The following SVEP1 variants were observed in gnomAD, a reference collection of about 807,000 sequenced individuals.
SVEP1 encodes sushi, von Willebrand factor type A, EGF and pentraxin domain-containing protein 1.
In SVEP1, 164 loss-of-function variants were observed where a neutral mutation model predicts 367.3. The observed-to-expected ratio is 0.45, with a 90% CI of 0.39 to 0.51. The LOEUF (loss-of-function observed/expected upper bound fraction) is 0.51. Among genes scored for constraint, SVEP1 ranks in the 20% least tolerant of loss-of-function variants. The pLI is 0.00. For synonymous variants in SVEP1, 1,666 were observed against 1,611.6 expected (o/e 1.03, Z -0.81); for missense variants, 4,117 against 4,425.3 (o/e 0.93, Z 1.98).
intron 1 of SVEP1, among the ~76,000 whole-genome samples, chr9:110,552,179 A>G (rs573104635): frequency 5.3e-5 from 8 of 151,794 alleles, no homozygotes; most frequent in African/African-American, 1.9e-4. Context: ...CTACAGGCAC[A>G]TACCACCATG....
chr9:110,366,564 G>GAAAAAAAAAAA lies in SVEP1; in HGVS notation c.10695-15_10695-5dup. 7.1e-7 allele frequency: 1 copy of GAAAAAAAAAAA among 1,413,490 alleles called. No individual in the cohort carries two copies. Among genetic ancestry groups the GAAAAAAAAAAA allele is most frequent in the Non-Finnish European group, 9.4e-7 (1 of 1,063,918 alleles). 87.6% of individuals were successfully genotyped at this position (1,413,490 alleles called of 1,614,324 possible). On this transcript the variant is annotated splice_region_variant and splice_polypyrimidine_tract_variant and intron_variant, in intron 47 of 47. Transcript: ENST00000374469. ...TTAAAACCCAGTCCTCCTTTTCCTGGAAAAAAAAAAAAAAGCAACCAAATA... is the reference window on the plus strand; with the variant it reads ...TTAAAACCCAGTCCTCCTTTTCCTGGAAAAAAAAAAAAAAAAAAAAAAAAAGCAACCAAATA...
intron 16 of SVEP1, 115 bp downstream of exon 16, chr9:110,471,246 CACA>C (rs1564152157): frequency 1.1e-5 from 9 of 847,398 alleles, no homozygotes; most frequent in Middle Eastern, 2.3e-4. Context: ...ATAACAACCA[CACA>C]ACAAGAGCAA....
rs771605890 is a variant in SVEP1 at position 110,428,423 on chromosome 9, C to CAA, written c.5808-666_5808-665insTT. The stretch of plus-strand genomic sequence containing the variant: ...AAACACACACACACACACACACACA[C>CAA]ACACACCATTAATCTCCTACAGTGT... On this transcript the variant is annotated intron_variant, in intron 35 of 47. Transcript: ENST00000374469. Among the ~76,000 whole-genome samples, 401 of 146,022 alleles carry CAA rather than the reference C, an allele frequency of 2.7e-3. 2 individuals carry two copies. Among genetic ancestry groups the CAA allele is most frequent in the East Asian group, 3.7e-3 (14 of 3,738 alleles).
In SVEP1 at chr9:110,386,042, C is replaced by G; in HGVS notation, c.10093G>C (p.Glu3365Gln). 1 of 1,613,310 alleles carries G rather than the reference C, an allele frequency of 6.2e-7. No homozygotes were observed. The highest frequency in any genetic ancestry group is 1.1e-5 in the South Asian group (1 of 90,992). ...NPCPVPFVIP[E>Q]NALLSEKEFY... is the part of the protein sequence containing the mutation. ...TCCTTTTCAGACAGCAGAGCATTCTCGGGAATCACAAAAGGAACAGGGCAT... is the reference window on the plus strand; with the variant it reads ...TCCTTTTCAGACAGCAGAGCATTCTGGGGAATCACAAAAGGAACAGGGCAT... The change falls in exon 43 of 48, where the codon GAG becomes CAG. Residue 3365 changes from glutamate to glutamine, a missense_variant. Physicochemically the swap from Glu to Gln is conservative, Grantham distance 29 (BLOSUM62 2). Transcript: ENST00000374469.
rs1379703862 is a variant in SVEP1 at position 110,548,917 on chromosome 9, G to C, written c.787+932C>G. Among the ~76,000 whole-genome samples the C allele has an allele frequency of 2.6e-5, 4 of 152,162 alleles. No individual in the cohort carries two copies. The East Asian group carries it at 7.7e-4, about 29-fold the overall frequency. ...GTGGGAGAAATGCTTGAGCCCAGGA[G>C]TTTGAGACCAGCCTGAGCAACATAG... On this transcript the variant is annotated intron_variant, in intron 2 of 47. Transcript: ENST00000374469.
At chr9:110,448,997 C>A (rs972500545) in intron 24 of SVEP1, among the ~76,000 whole-genome samples, 2 of 151,944 alleles carry the variant, frequency 1.3e-5, no homozygotes, top group East Asian at 3.9e-4. Flanking sequence ...TCTTTTTTTT[C>A]TTTTTGGTTT....
intron 3 of SVEP1, among the ~76,000 whole-genome samples, chr9:110,531,249 CTTTCA>C (rs1830014319): frequency 6.6e-6 from 1 of 152,094 alleles, no homozygotes; most frequent in Non-Finnish European, 1.5e-5. Flanking sequence ...TCATGATTTA[CTTTCA>C]TTTAACTGCT....
chr9:110,446,014 T>C lies in SVEP1; in HGVS notation c.4286A>G (p.Asp1429Gly). 6.2e-7 allele frequency: 1 copy of C among 1,613,026 alleles called. No individual in the cohort carries two copies. Among genetic ancestry groups the C allele is most frequent in the Non-Finnish European group, 8.5e-7 (1 of 1,179,392 alleles). Reference protein sequence around the residue: ...ETEQSTGFNLDFEVSGIYGYV... With the variant: ...ETEQSTGFNLGFEVSGIYGYV... ...TCCATAGATGCCAGAAACTTCAAAA[T>C]CCAGGTTAAAGCCTGTAGACTGTTC... Residue 1429 changes from aspartate to glycine, a missense_variant, in exon 26 of 48, where the codon GAT (aspartate) becomes GGT (glycine). Physicochemically the swap from Asp to Gly is moderately conservative, Grantham distance 94. This residue lies in a region of SVEP1 where 2,174 missense variants were observed against 2,494.3 expected (regional missense o/e 0.87). Coordinates refer to ENST00000374469, the MANE Select transcript of SVEP1 (RefSeq NM_153366.4).
At chr9:110,553,812 C>T (rs550862853) in intron 1 of SVEP1, among the ~76,000 whole-genome samples, 1 of 152,214 alleles carries the variant, frequency 6.6e-6, no homozygotes, top group Non-Finnish European at 1.5e-5. Context: ...AAGGAGTGGC[C>T]CATCGTGCAG....
chr9:110,560,251 T>C (rs1413513987), intron 1 of SVEP1, among the ~76,000 whole-genome samples: 1 of 152,204 alleles, frequency 6.6e-6, no homozygotes. Context: ...CTATTCCATA[T>C]AGCCTAGGTG....
intron 16 of SVEP1, 59 bp downstream of exon 16, chr9:110,471,305 A>G (rs2118669276): frequency 3.2e-5 from 44 of 1,379,150 alleles, no homozygotes; most frequent in Non-Finnish European, 4.5e-5. Context: ...AAATGGCTAC[A>G]CCCATCTCAT....
At position 110,542,708 on chromosome 9, in the gene SVEP1, G is replaced by GT. The variant is rs58216193; in HGVS notation, c.964+3406dup. ...TTGAATACCTACCTCATACCTAGCA[G>GT]TGGGCTTGGTGTGGAGAACATCCTC... On this transcript the variant is annotated intron_variant, in intron 3 of 47. Transcript: ENST00000374469. 5.9e-3 allele frequency among the ~76,000 whole-genome samples: 891 copies of GT among 152,010 alleles called. 13 individuals are homozygous for GT. The highest frequency in any genetic ancestry group is 0.02 in the African/African-American group (846 of 41,464).
intron 22 of SVEP1, among the ~76,000 whole-genome samples, chr9:110,452,528 C>G (rs886162752): frequency 6.6e-6 from 1 of 152,158 alleles, no homozygotes; most frequent in Non-Finnish European, 1.5e-5. Context: ...AAATGGAAAC[C>G]AGGCAAGCAA....
intron 1 of SVEP1, among the ~76,000 whole-genome samples, chr9:110,563,321 TAA>T (rs1417813136): frequency 2.0e-5 from 3 of 152,118 alleles, no homozygotes; most frequent in Non-Finnish European, 4.4e-5. Flanking sequence ...CACACATACA[TAA>T]AAAGAGTGAG....
chr9:110,524,699 ATGT>A (rs1322728962), intron 3 of SVEP1, among the ~76,000 whole-genome samples: 2 of 150,276 alleles, frequency 1.3e-5, no homozygotes, highest in African/African-American at 2.4e-5. Flanking sequence ...AATCATACAA[ATGT>A]TATTATTATT....
At position 110,553,641 on chromosome 9, in the gene SVEP1, G is replaced by A. The variant is rs1830318784; in HGVS notation, c.532-3537C>T. Among the ~76,000 whole-genome samples, 5 of 152,258 alleles carry A rather than the reference G, an allele frequency of 3.3e-5. No individual in the cohort carries two copies. The South Asian group carries it at 8.3e-4, about 25-fold the overall frequency. On this transcript the variant is annotated intron_variant, in intron 1 of 47. Coordinates refer to ENST00000374469, the MANE Select transcript of SVEP1 (RefSeq NM_153366.4). ...AGATATCCAGGGGAGACAGGCCCAG[G>A]TATTTCAAGGCCAAGGATGGCTTCA...
chr9:110,434,143 G>A (rs1828395718), intron 30 of SVEP1, among the ~76,000 whole-genome samples, 193 bp downstream of exon 30: 1 of 152,064 alleles, frequency 6.6e-6, no homozygotes, highest in South Asian at 2.1e-4. Flanking sequence ...TGCACAAATG[G>A]TCCCTCTGGA....
In SVEP1 at chr9:110,389,584, T is replaced by G. The variant is rs900122816; in HGVS notation, c.9826A>C (p.Asn3276His). The G allele has an allele frequency of 6.2e-7, 1 of 1,613,612 alleles. No individual in the cohort carries two copies. Among genetic ancestry groups the G allele is most frequent in the African/African-American group, 1.3e-5 (1 of 75,004 alleles). The change falls in exon 41 of 48, where the codon AAC (asparagine) becomes CAC (histidine). Residue 3276 changes from asparagine (N) to histidine (H), a missense_variant. Asn to His is a moderately conservative substitution (Grantham distance 68). Around this residue, in one of 4 missense-constraint regions of SVEP1, gnomAD observed 1,765 missense variants for 1,781.1 expected, o/e 0.99. Coordinates refer to ENST00000374469, the MANE Select transcript of SVEP1 (RefSeq NM_153366.4). ...QCEPGYELEG[N>H]RERVCQENRQ... ...TTCTCCTGGCAGACACGTTCCCTGT[T>G]CCCCTGTGAAACAATGGAGAAAGGT...
intron 23 of SVEP1, among the ~76,000 whole-genome samples, chr9:110,450,472 T>TTTG (rs949047728): frequency 6.9e-6 from 1 of 145,468 alleles, no homozygotes; most frequent in African/African-American, 2.6e-5. Flanking sequence ...AATCTGTTTT[T>TTTG]TTTTTTTTTT....
Sources: allele counts gnomAD v4.1 joint callset (sites outside exome capture counted in the v4.1 genomes callset), GRCh38; gene constraint gnomAD v4.1.1; regional missense constraint gnomAD v4.1.1; transcripts MANE v1.5; gene names NCBI Gene and HGNC (gene_info 2026-07-23, HGNC 2026-07-21).